MED13L: variants seen among roughly 807,000 people sequenced by gnomAD.
MED13L encodes the protein mediator complex subunit 13L.
A neutral mutation model predicts 220.9 loss-of-function variants in MED13L; 7 were observed. That is an observed-to-expected ratio of 0.03 (90% CI 0.02 to 0.06). The LOEUF (loss-of-function observed/expected upper bound fraction) is 0.06. MED13L is among the 10% of genes least tolerant of loss of function. MED13L has a pLI of 1.00. For synonymous variants in MED13L, 1,011 were observed against 1,015.2 expected, an observed-to-expected ratio of 1.00 and a Z score of 0.08; for missense variants, 1,965 against 2,760.5, an observed-to-expected ratio of 0.71 and a Z score of 6.46.
At chr12:116,169,698 T>C (rs1197083606) in intron 2 of MED13L, among the ~76,000 whole-genome samples, 1 of 152,210 alleles carries the variant, frequency 6.6e-6, no homozygotes, top group Non-Finnish European at 1.5e-5. Flanking sequence ...GCTAAAAGGT[T>C]AGTTGAAGTA....
chr12:116,184,508 C>G (rs1366500580), intron 2 of MED13L, among the ~76,000 whole-genome samples: 1 of 152,052 alleles, frequency 6.6e-6, no homozygotes, highest in Non-Finnish European at 1.5e-5. Flanking sequence ...AATAAAAAAA[C>G]TTTAGGCTTG....
intron 2 of MED13L, among the ~76,000 whole-genome samples, chr12:116,137,721 C>T (rs1356588907): frequency 4.6e-5 from 7 of 152,070 alleles, no homozygotes; most frequent in Admixed American, 3.3e-4. Context: ...TATTTTGCCT[C>T]CATCTAGACT....
chr12:116,092,154 G>A (rs969804168), intron 4 of MED13L, among the ~76,000 whole-genome samples: 31 of 152,148 alleles, frequency 2.0e-4, no homozygotes, highest in Non-Finnish European at 4.4e-4. Context: ...TTAACAGATA[G>A]GCACCACATG....
chr12:116,002,814 T>A (rs1878828820), intron 14 of MED13L, among the ~76,000 whole-genome samples, 189 bp downstream of exon 14: 1 of 152,210 alleles, frequency 6.6e-6, no homozygotes, highest in Non-Finnish European at 1.5e-5. Flanking sequence ...CAAATTAAGA[T>A]GGTTTCTGTA....
intron 2 of MED13L, among the ~76,000 whole-genome samples, chr12:116,227,347 G>A (rs755838838): frequency 6.6e-6 from 1 of 152,084 alleles, no homozygotes; most frequent in South Asian, 2.1e-4. Flanking sequence ...TAAGATATAG[G>A]AATATCTCAT....
chr12:116,019,684 T>C (rs1294048446), intron 6 of MED13L, 94 bp downstream of exon 6: 24 of 1,409,926 alleles, frequency 1.7e-5, no homozygotes, highest in Non-Finnish European at 2.3e-5. Context: ...AAGATGGGTA[T>C]GGAGATTATT....
chr12:115,994,286 A>C (rs1414166809), intron 16 of MED13L, among the ~76,000 whole-genome samples: 1 of 152,076 alleles, frequency 6.6e-6, no homozygotes, highest in Admixed American at 6.6e-5. Context: ...ACTCTACAAC[A>C]AAATTTCATA....
Position 115,966,061 on chromosome 12 carries a change from C to T in MED13L, c.6387+21G>A, listed in dbSNP as rs1405000714. 1.9e-6 allele frequency: 3 copies of T among 1,613,622 alleles called. No individual in the cohort carries two copies. The Admixed American group carries it at 5.0e-5, about 27-fold the overall frequency. ...TAAATCACTCATTCCTTGCAAACTT[C>T]TAATATGACACCAAACCAACCTTTA... is the stretch of plus-strand genomic sequence containing the variant. On this transcript the variant is annotated intron_variant, in intron 29 of 30. Coordinates refer to ENST00000281928, the MANE Select transcript of MED13L (RefSeq NM_015335.5).
At chr12:116,183,820 A>ATGTG (rs57716114) in intron 2 of MED13L, among the ~76,000 whole-genome samples, 33,399 of 146,350 alleles carry the variant, frequency 0.23, 4,346 homozygotes, top group Non-Finnish European at 0.3. Flanking sequence ...GTGTGTGTGT[A>ATGTG]TGTGTGTGTG....
chr12:116,185,144 C>T (rs748056613), intron 2 of MED13L, among the ~76,000 whole-genome samples: 4 of 151,864 alleles, frequency 2.6e-5, no homozygotes, highest in Admixed American at 6.6e-5. Flanking sequence ...GATAAAAATT[C>T]GTAACTAGTA....
chr12:115,997,362 T>C (rs1275673654), intron 14 of MED13L, 132 bp from the exon 15 acceptor site: 29 of 707,316 alleles, frequency 4.1e-5, no homozygotes, highest in Non-Finnish European at 6.0e-5. Flanking sequence ...CAAAAGAATA[T>C]TAATAATGGA....
At chr12:116,030,433 AG>A (rs1880668325) in intron 4 of MED13L, among the ~76,000 whole-genome samples, 1 of 152,226 alleles carries the variant, frequency 6.6e-6, no homozygotes, top group African/African-American at 2.4e-5. Context: ...AAAATCTACC[AG>A]AAACAGTACT....
At chr12:116,118,613 C>T (rs141359149) in intron 2 of MED13L, among the ~76,000 whole-genome samples, 290 of 152,278 alleles carry the variant, frequency 1.9e-3, no homozygotes, top group African/African-American at 6.5e-3. Flanking sequence ...GAATGTAAAT[C>T]AGACCATCCT....
At chr12:116,040,927 C>T (rs547025687) in intron 4 of MED13L, among the ~76,000 whole-genome samples, 2 of 152,188 alleles carry the variant, frequency 1.3e-5, no homozygotes, top group South Asian at 2.1e-4. Context: ...AGAATTAGTA[C>T]GGGAGGGATA....
chr12:115,975,816 A>G, intron 23 of MED13L, 78 bp from the exon 24 acceptor site: 1 of 1,370,346 alleles, frequency 7.3e-7, no homozygotes, highest in Non-Finnish European at 1.0e-6. Flanking sequence ...AACGACACTG[A>G]GGGGACCCAC....
At chr12:116,258,918 G>GT (rs768787146) in intron 1 of MED13L, among the ~76,000 whole-genome samples, 2,796 of 138,138 alleles carry the variant, frequency 0.02, 33 homozygotes, top group Non-Finnish European at 0.024. Flanking sequence ...AATATTGAGG[G>GT]TTTTTTTTTT....
intron 2 of MED13L, among the ~76,000 whole-genome samples, chr12:116,214,040 A>T (rs1442110333): frequency 6.6e-6 from 1 of 152,208 alleles, no homozygotes; most frequent in Non-Finnish European, 1.5e-5. Context: ...GTACAATTTA[A>T]GTCACAGCTA....
At chr12:116,143,218 T>C (rs915162683) in intron 2 of MED13L, among the ~76,000 whole-genome samples, 1 of 151,300 alleles carries the variant, frequency 6.6e-6, no homozygotes, top group South Asian at 2.1e-4. Flanking sequence ...TTTCAAAATA[T>C]AGTACACCTG....
At chr12:116,119,151 C>T (rs1198357769) in intron 2 of MED13L, among the ~76,000 whole-genome samples, 3 of 152,106 alleles carry the variant, frequency 2.0e-5, no homozygotes, top group Non-Finnish European at 2.9e-5. Flanking sequence ...TCACCCCTAA[C>T]GGAAACTAAA....
Sources: allele counts gnomAD v4.1 joint callset (sites outside exome capture counted in the v4.1 genomes callset), GRCh38; gene constraint gnomAD v4.1.1; transcripts MANE v1.5; gene names NCBI Gene and HGNC (gene_info 2026-07-23, HGNC 2026-07-21).